RMDN1: variants seen among roughly 807,000 people sequenced by gnomAD.
RMDN1 encodes the protein regulator of microtubule dynamics protein 1.
RMDN1 carries 48 observed loss-of-function variants against 48.9 expected under a neutral mutation model. The observed-to-expected ratio is 0.98, with a 90% CI of 0.78 to 1.25. RMDN1 has a LOEUF of 1.25. Ranked by LOEUF, RMDN1 falls within the 50% of genes most tolerant of loss-of-function variation. The pLI is 0.00. For synonymous variants in RMDN1, 148 were observed against 132.6 expected (o/e 1.12, Z -0.80); for missense variants, 418 against 373.4 (o/e 1.12, Z -0.98).
At chr8:86,479,126 T>C in intron 6 of RMDN1, 116 bp from the exon 7 acceptor site, 2 of 711,500 alleles carry the variant, frequency 2.8e-6, no homozygotes, top group South Asian at 3.6e-5. Context: ...AAACAACTTG[T>C]GCTTTACATG....
intron 2 of RMDN1, among the ~76,000 whole-genome samples, chr8:86,505,798 T>C (rs1179624512): frequency 6.6e-6 from 1 of 152,210 alleles, no homozygotes; most frequent in Non-Finnish European, 1.5e-5. Context: ...TAGTTCATTA[T>C]TGGAGGGTAT....
At position 86,481,957 on chromosome 8, in the gene RMDN1, G is replaced by A. The variant is rs188391561; in HGVS notation, c.586-1625C>T. 9.3e-6 allele frequency: 8 copies of A among 856,938 alleles called. No individual in the cohort carries two copies. The Admixed American group carries it at 1.2e-4, about 13-fold the overall frequency. The allele number at this position is 856,938 out of a possible 1,614,324, so 53.1% of individuals were successfully genotyped here. On this transcript the variant is annotated intron_variant, in intron 5 of 9. Coordinates refer to ENST00000406452, the MANE Select transcript of RMDN1 (RefSeq NM_016033.3). Reference sequence around the variant, plus strand: ...TTCTCTAGTATTTGCTTGTCATCTTGCTGCAAGCAGAAATCCACATGTGGA... The same window carrying A: ...TTCTCTAGTATTTGCTTGTCATCTTACTGCAAGCAGAAATCCACATGTGGA...
intron 2 of RMDN1, among the ~76,000 whole-genome samples, chr8:86,492,579 G>T (rs1816685597): frequency 6.6e-6 from 1 of 151,906 alleles, no homozygotes; most frequent in African/African-American, 2.4e-5. Flanking sequence ...CTGGAACCCA[G>T]AAGGCAGAAG....
At chr8:86,491,280 G>A (rs1039558053) in intron 2 of RMDN1, among the ~76,000 whole-genome samples, 2 of 151,986 alleles carry the variant, frequency 1.3e-5, no homozygotes, top group African/African-American at 4.8e-5. Context: ...GACTACAGGT[G>A]CGCACCACCA....
intron 4 of RMDN1, 39 bp from the exon 5 acceptor site, chr8:86,485,000 A>AC: frequency 2.6e-6 from 3 of 1,161,744 alleles, no homozygotes; most frequent in Non-Finnish European, 3.8e-6. Context: ...TAATATTCTT[A>AC]ATATTCCATT....
rs552894510 is a variant in RMDN1, at chr8:86,505,193, A to G, written c.247+1802T>C. 858 of 833,188 alleles carry G rather than the reference A, an allele frequency of 1.0e-3. 2 individuals are homozygous for G. Among genetic ancestry groups the G allele is most frequent in the Non-Finnish European group, 1.4e-3 (792 of 561,512 alleles). The allele number at this position is 833,188 out of a possible 1,614,324, so 51.6% of individuals were successfully genotyped here. ...ACTTGATTCCTTTCTTATCCCACGCACTCCATGCGCACCTCAAGGCTGGGG... is the reference window on the plus strand; with the variant it reads ...ACTTGATTCCTTTCTTATCCCACGCGCTCCATGCGCACCTCAAGGCTGGGG... On this transcript the variant is annotated intron_variant, in intron 2 of 9. Transcript: ENST00000406452.
chr8:86,495,332 G>C (rs1817164157), intron 2 of RMDN1, among the ~76,000 whole-genome samples: 1 of 152,152 alleles, frequency 6.6e-6, no homozygotes, highest in African/African-American at 2.4e-5. Context: ...GATCCTAGCT[G>C]CAGGAGACCC....
chr8:86,486,802 A>G lies in RMDN1; in HGVS notation c.336-159T>C, dbSNP rs371799117. Among the ~76,000 whole-genome samples the G allele has an allele frequency of 3.3e-4, 50 of 152,352 alleles. No homozygotes were observed. The East Asian group carries it at 8.3e-3, about 25-fold the overall frequency. ...TAATGCTAAATTTATTATTTTCTTT[A>G]ATATAAAACCTTTACTTGCTAAAAT... On this transcript the variant is annotated intron_variant, in intron 3 of 9. Coordinates refer to ENST00000406452, the MANE Select transcript of RMDN1 (RefSeq NM_016033.3).
chr8:86,486,713 A>AATGAATACATTATTT, intron 3 of RMDN1, 70 bp from the exon 4 acceptor site: 3 of 1,211,750 alleles, frequency 2.5e-6, no homozygotes, highest in Non-Finnish European at 3.4e-6. Context: ...TTACATTACT[A>AATGAATACATTATTT]ATGAATACAT....
intron 3 of RMDN1, among the ~76,000 whole-genome samples, chr8:86,488,324 T>G (rs970846180): frequency 7.2e-5 from 11 of 152,056 alleles, no homozygotes; most frequent in African/African-American, 2.7e-4. Flanking sequence ...TCAAAAAAAA[T>G]TTCAACATTC....
rs1019675771 is a variant in RMDN1, at chr8:86,514,005, AT to A, written c.-4+236del. 4.5e-4 allele frequency among the ~76,000 whole-genome samples: 66 copies of A among 145,162 alleles called. 1 individual carries two copies. Among genetic ancestry groups the A allele is most frequent in the South Asian group, 3.7e-3 (17 of 4,538 alleles). On this transcript the variant is annotated intron_variant, in intron 1 of 9. Transcript: ENST00000523911. Reference sequence around the variant, plus strand: ...CAGTCGCGTGCCACCACGCCCAGCTATTTTTTTTTTTACTTTTTGTAGCGGT... The same window carrying A: ...CAGTCGCGTGCCACCACGCCCAGCTATTTTTTTTTTACTTTTTGTAGCGGT...
At chr8:86,483,707 A>G (rs988711153) in intron 5 of RMDN1, among the ~76,000 whole-genome samples, 1 of 152,202 alleles carries the variant, frequency 6.6e-6, no homozygotes, top group Non-Finnish European at 1.5e-5. Flanking sequence ...ACACTAAACC[A>G]TAAAATTATG....
intron 2 of RMDN1, among the ~76,000 whole-genome samples, chr8:86,490,049 T>C (rs561499733): frequency 1.3e-5 from 2 of 152,208 alleles, no homozygotes; most frequent in East Asian, 1.9e-4. Context: ...TTAGGTGTTA[T>C]AAAGTTTAAT....
intron 6 of RMDN1, 151 bp downstream of exon 6, chr8:86,480,126 C>G (rs1002638053): frequency 2.8e-5 from 12 of 436,000 alleles, no homozygotes; most frequent in Non-Finnish European, 5.0e-5. Context: ...AATATATATA[C>G]AAGGGCTAGT....
In RMDN1 at chr8:86,508,326, A is replaced by G. The variant is rs577354381; in HGVS notation, c.129+166T>C. ...CCAGTTAAGGATAGTGGAGGTTTGC[A>G]AAATGGAAGGGACCTGTCCGGGCGT... On this transcript the variant is annotated intron_variant, in intron 1 of 9. Coordinates refer to ENST00000406452, the MANE Select transcript of RMDN1 (RefSeq NM_016033.3). 293 of 713,738 alleles carry G rather than the reference A, an allele frequency of 4.1e-4. 1 individual carries two copies. Among genetic ancestry groups the G allele is most frequent in the Non-Finnish European group, 5.5e-4 (257 of 468,468 alleles). 44.2% of individuals were successfully genotyped at this position (713,738 alleles called of 1,614,324 possible).
chr8:86,496,156 C>A (rs2131054660), intron 2 of RMDN1, among the ~76,000 whole-genome samples: 1 of 152,304 alleles, frequency 6.6e-6, no homozygotes, highest in African/African-American at 2.4e-5. Flanking sequence ...TAAAGGAGTG[C>A]TAAACATGGA....
intron 5 of RMDN1, chr8:86,483,042 T>A: frequency 1.8e-6 from 1 of 546,336 alleles, no homozygotes; most frequent in Non-Finnish European, 3.3e-6. Flanking sequence ...AATTTTCTTA[T>A]GAGAAGGGTT....
In RMDN1 at chr8:86,484,853, T is replaced by C. The variant is rs1815193859; in HGVS notation, c.585+19A>G. On this transcript the variant is annotated intron_variant, in intron 5 of 9. Coordinates refer to ENST00000406452, the MANE Select transcript of RMDN1 (RefSeq NM_016033.3). ...AATATGACTTTTAAAATTCATGAAT[T>C]TGAATAATTCATCAGTACCTCAAAA... The C allele has an allele frequency of 1.4e-6, 2 of 1,479,772 alleles. No homozygotes were observed. Among genetic ancestry groups the C allele is most frequent in the South Asian group, 1.2e-5 (1 of 82,950 alleles). 91.7% of individuals were successfully genotyped at this position (1,479,772 alleles called of 1,614,324 possible).
At position 86,508,680 on chromosome 8, in the gene RMDN1, C is replaced by A. The variant is rs897677097; in HGVS notation, c.-60G>T. 1.3e-5 allele frequency: 19 copies of A among 1,484,072 alleles called. No homozygotes were observed. The highest frequency in any genetic ancestry group is 2.4e-5 in the Admixed American group (1 of 40,912). The allele number at this position is 1,484,072 out of a possible 1,614,324, so 91.9% of individuals were successfully genotyped here. On this transcript the variant is annotated 5_prime_UTR_variant, in exon 1 of 10. Coordinates refer to ENST00000406452, the MANE Select transcript of RMDN1 (RefSeq NM_016033.3). ...CAGGCAGCTACGGAGGCGGGCGGGG[C>A]TAAAGGAGATTCAATCCTTCCGGAA...
Sources: allele counts gnomAD v4.1 joint callset (sites outside exome capture counted in the v4.1 genomes callset), GRCh38; gene constraint gnomAD v4.1.1; transcripts MANE v1.5; gene names NCBI Gene and HGNC (gene_info 2026-07-23, HGNC 2026-07-21).